Variants in MRPL2 observed in about 807,000 individuals in gnomAD.
MRPL2 encodes the protein large ribosomal subunit protein uL2m.
MRPL2 carries 27 observed loss-of-function variants against 34.6 expected under a neutral mutation model. That is an observed-to-expected ratio of 0.78 (90% CI 0.58 to 1.08). MRPL2 has a LOEUF of 1.08. Ranked by LOEUF, MRPL2 falls within the 50% of genes least tolerant of loss-of-function variation. The pLI is 0.00. For synonymous variants in MRPL2, 155 were observed against 158.0 expected (o/e 0.98, Z 0.14); for missense variants, 414 against 419.3 (o/e 0.99, Z 0.11).
In MRPL2 at chr6:43,054,140, C is replaced by A; in HGVS notation, c.*134G>T. The A allele has an allele frequency of 2.7e-6, 2 of 749,430 alleles. No individual in the cohort carries two copies. Among genetic ancestry groups the A allele is most frequent in the South Asian group, 3.6e-5 (2 of 55,220 alleles). 46.4% of individuals were successfully genotyped at this position (749,430 alleles called of 1,614,324 possible). A position where few individuals can be genotyped will look rare whatever the true frequency, so the allele number is the denominator to read the frequency against. On this transcript the variant is annotated 3_prime_UTR_variant, in exon 7 of 7. Transcript: ENST00000388752. ...TCTTCCACACTTTTTACTTCTTTTCCCCACGTTTAGTCTGTACCATCCCCT... is the reference window on the plus strand; with the variant it reads ...TCTTCCACACTTTTTACTTCTTTTCACCACGTTTAGTCTGTACCATCCCCT...
Position 43,056,311 on chromosome 6 carries a change from A to G in MRPL2, c.400T>C (p.Cys134Arg), listed in dbSNP as rs1764877301. 1 of 1,614,210 alleles carries G rather than the reference A, an allele frequency of 6.2e-7. No individual in the cohort carries two copies. Among genetic ancestry groups the G allele is most frequent in the East Asian group, 2.2e-5 (1 of 44,882 alleles). Residue 134 changes from cysteine to arginine, a missense_variant, in exon 3 of 7, where the codon TGT becomes CGT. Coordinates refer to ENST00000388752, the MANE Select transcript of MRPL2 (RefSeq NM_015950.5). Reference protein sequence around the residue: ...EKVIQVRYDPCRSADIALVAG... With the variant: ...EKVIQVRYDPRRSADIALVAG... Reference sequence around the variant, plus strand: ...CATCCCACATCCCAAACTTGCCTACAGGGATCATAGCGGACTTGGATAACC... The same window carrying G: ...CATCCCACATCCCAAACTTGCCTACGGGGATCATAGCGGACTTGGATAACC...
intron 2 of MRPL2, chr6:43,057,710 G>A (rs1399531019): frequency 1.0e-5 from 3 of 294,512 alleles, no homozygotes; most frequent in Non-Finnish European, 1.9e-5. Flanking sequence ...AACTTGTGAC[G>A]TCAGGTGATC....
chr6:43,056,518 A>G, intron 2 of MRPL2, 73 bp from the exon 3 acceptor site: 1 of 1,575,694 alleles, frequency 6.3e-7, no homozygotes, highest in East Asian at 2.3e-5. Context: ...GAACTGGCCC[A>G]TTCTCTGCCA....
chr6:43,058,376 A>T, intron 1 of MRPL2, 143 bp from the exon 2 acceptor site: 1 of 749,394 alleles, frequency 1.3e-6, no homozygotes, highest in Admixed American at 2.8e-5. Flanking sequence ...CAAAAACTCC[A>T]CCCTTCACAG....
chr6:43,056,554 C>G, intron 2 of MRPL2, 109 bp from the exon 3 acceptor site: 1 of 1,358,664 alleles, frequency 7.4e-7, no homozygotes, highest in Non-Finnish European at 1.0e-6. Context: ...CATTGTGGCA[C>G]AAGCAGAAAT....
intron 1 of MRPL2, among the ~76,000 whole-genome samples, 167 bp from the exon 2 acceptor site, chr6:43,058,400 G>A (rs748698186): frequency 6.6e-6 from 1 of 152,136 alleles, no homozygotes; most frequent in Non-Finnish European, 1.5e-5. Context: ...GCACAGTAAT[G>A]TTCTCTCCTT....
chr6:43,059,633 G>A, upstream of MRPL2: 2 of 1,390,104 alleles, frequency 1.4e-6, no homozygotes, highest in Non-Finnish European at 1.9e-6. Flanking sequence ...CAGCCATCAT[G>A]GATTTAAAGG....
rs3793020 is a variant in MRPL2, at chr6:43,058,809, T to C, written c.96+477A>G. Among the ~76,000 whole-genome samples the C allele has an allele frequency of 2.6e-5, 4 of 152,208 alleles. No individual in the cohort carries two copies. In the East Asian group the frequency reaches 7.7e-4, roughly 29 times the overall value. On this transcript the variant is annotated intron_variant, in intron 1 of 6. Coordinates refer to ENST00000388752, the MANE Select transcript of MRPL2 (RefSeq NM_015950.5). Reference sequence around the variant, plus strand: ...GTTCTTGGTATCTTGCCCTGCATTCTCTAATATCAGCAGTAACTCATCCTT... The same window carrying C: ...GTTCTTGGTATCTTGCCCTGCATTCCCTAATATCAGCAGTAACTCATCCTT...
At chr6:43,057,985 C>A in intron 2 of MRPL2, 80 bp downstream of exon 2, 1 of 1,491,034 alleles carries the variant, frequency 6.7e-7, no homozygotes, top group Non-Finnish European at 9.3e-7. Flanking sequence ...TTACAAGGTA[C>A]AAGTGTGTCA....
At chr6:43,054,984 A>T (rs1008340539) in intron 6 of MRPL2, among the ~76,000 whole-genome samples, 4 of 152,148 alleles carry the variant, frequency 2.6e-5, no homozygotes. Context: ...GGGCTGAGGC[A>T]GAATTGCTTG....
chr6:43,058,206 G>A lies in MRPL2; in HGVS notation c.124C>T (p.Pro42Ser). 1.2e-6 allele frequency: 2 copies of A among 1,614,174 alleles called. No individual in the cohort carries two copies. Among genetic ancestry groups the A allele is most frequent in the Non-Finnish European group, 1.7e-6 (2 of 1,180,032 alleles). ...CAGGGGAGCAACATCAAGGCAGAGG[G>A]CTGTTGGAGGAGGCCATTGTTCATC... ...QMMNNGLLQQ[P>S]SALMLLPCRP... Residue 42 changes from proline to serine, a missense_variant, in exon 2 of 7, where the codon CCC becomes TCC. Coordinates refer to ENST00000388752, the MANE Select transcript of MRPL2 (RefSeq NM_015950.5).
chr6:43,059,496 A>T, upstream of MRPL2: 1 of 1,447,698 alleles, frequency 6.9e-7, no homozygotes, highest in East Asian at 2.5e-5. Context: ...ACTGGAGCCC[A>T]AGCTGGATAC....
chr6:43,059,224 C>T, intron 1 of MRPL2, 62 bp downstream of exon 1: 1 of 1,551,026 alleles, frequency 6.4e-7, no homozygotes. Context: ...CTCGCATGCC[C>T]GCAGACCCCA....
chr6:43,057,211 C>T (rs188025589), intron 2 of MRPL2, among the ~76,000 whole-genome samples: 37 of 152,082 alleles, frequency 2.4e-4, no homozygotes, highest in African/African-American at 8.4e-4. Flanking sequence ...AGATGAGTCT[C>T]GCTCTGTCAC....
At position 43,056,307 on chromosome 6, in the gene MRPL2, C is replaced by T. The variant is rs372761840; in HGVS notation, c.404G>A (p.Arg135Lys). Reference protein sequence around the residue: ...KVIQVRYDPCRSADIALVAGG... With the variant: ...KVIQVRYDPCKSADIALVAGG... ...TCATCATCCCACATCCCAAACTTGC[C>T]TACAGGGATCATAGCGGACTTGGAT... The change falls in exon 3 of 7, where the codon AGG becomes AAG. Residue 135 changes from arginine (R) to lysine (K), a missense_variant and splice_region_variant. Coordinates refer to ENST00000388752, the MANE Select transcript of MRPL2 (RefSeq NM_015950.5). 6 of 1,614,030 alleles carry T rather than the reference C, an allele frequency of 3.7e-6. No homozygotes were observed. The African/African-American group carries it at 8.0e-5, about 22-fold the overall frequency.
chr6:43,054,583 G>A, intron 6 of MRPL2, 97 bp from the exon 7 acceptor site: 1 of 986,590 alleles, frequency 1.0e-6, no homozygotes, highest in Non-Finnish European at 1.5e-6. Context: ...GACTCAAGGA[G>A]AGAAGGGCGA....
Position 43,055,772 on chromosome 6 carries a change from C to G in MRPL2, c.631+125G>C, listed in dbSNP as rs1379648912. 1.9e-5 allele frequency: 24 copies of G among 1,234,494 alleles called. No homozygotes were observed. The East Asian group carries it at 5.4e-4, about 28-fold the overall frequency. 76.5% of individuals were successfully genotyped at this position (1,234,494 alleles called of 1,614,324 possible). On this transcript the variant is annotated intron_variant, in intron 5 of 6. Coordinates refer to ENST00000388752, the MANE Select transcript of MRPL2 (RefSeq NM_015950.5). ...GCTATGTTTTAGGTAAAAACACATG[C>G]ATATCTTCATCCTCATGTTTGTTTT...
intron 5 of MRPL2, 60 bp from the exon 6 acceptor site, chr6:43,055,678 A>C (rs1764844953): frequency 1.9e-6 from 3 of 1,583,344 alleles, no homozygotes; most frequent in African/African-American, 1.3e-5. Flanking sequence ...AGGGACTTAC[A>C]CAGGGGACAT....
Position 43,054,466 on chromosome 6 carries a change from T to A in MRPL2, c.726A>T (p.Ala242=). Residue 242 remains alanine, a synonymous_variant, in exon 7 of 7, where the codon GCA becomes GCT. Coordinates refer to ENST00000388752, the MANE Select transcript of MRPL2 (RefSeq NM_015950.5). ...RQMQVLETCV[A]TVGRVSNVDH... ...CAACGTTGGATACTCGGCCTACTGT[T>A]GCTACGCACGTTTCCAGCACCTGAC... 1 of 1,614,160 alleles carries A rather than the reference T, an allele frequency of 6.2e-7. No homozygotes were observed. Among genetic ancestry groups the A allele is most frequent in the Non-Finnish European group, 8.5e-7 (1 of 1,180,008 alleles).
Sources: gnomAD v4.1 joint callset for allele counts (sites outside exome capture counted in the v4.1 genomes callset) on GRCh38, gnomAD v4.1.1 for gene constraint, MANE v1.5 for transcripts, NCBI Gene and HGNC (gene_info 2026-07-23, HGNC 2026-07-21) for gene names.